Variants in IGBP1 observed in about 807,000 individuals in gnomAD.
The protein encoded by IGBP1 is immunoglobulin-binding protein 1.
Under a neutral mutation model 25.9 loss-of-function variants are expected in IGBP1, and 2 were observed. The observed-to-expected ratio is 0.08, with a 90% CI of 0.03 to 0.24. The LOEUF is 0.24. IGBP1 is among the 10% of genes least tolerant of loss of function. The pLI is 1.00. For missense variants in IGBP1, 187 were observed against 260.4 expected (o/e 0.72, Z 1.94); for synonymous variants, 96 against 93.4 (o/e 1.03, Z -0.16).
intron 6 of IGBP1, among the ~76,000 whole-genome samples, chrX:70,152,349 C>T (rs754660065): frequency 6.8e-4 from 76 of 111,917 alleles, no homozygotes; most frequent in Non-Finnish European, 1.3e-3. Flanking sequence ...TGGTTTTAGA[C>T]GAGTTAATTG....
chrX:70,138,480 CAAAAAAAAA>C (rs35566042), intron 3 of IGBP1, among the ~76,000 whole-genome samples: 1 of 54,496 alleles, frequency 1.8e-5, no homozygotes, highest in African/African-American at 7.6e-5. Flanking sequence ...GACCCTGTCT[CAAAAAAAAA>C]AAAAAAAAAA....
chrX:70,162,856 G>A (rs2085277901), intron 6 of IGBP1, among the ~76,000 whole-genome samples: 1 of 104,019 alleles, frequency 9.6e-6, no homozygotes, highest in Admixed American at 1.0e-4. Context: ...TGCCTGTAAT[G>A]CCAGCCACTC....
chrX:70,151,437 A>G (rs981069373), intron 6 of IGBP1, among the ~76,000 whole-genome samples: 7 of 111,241 alleles, frequency 6.3e-5, no homozygotes, highest in African/African-American at 2.3e-4. Context: ...CAGCCTCCCA[A>G]AGCATTGGGA....
At position 70,148,826 on chromosome X, in the gene IGBP1, C is replaced by T. The variant is rs1442744382; in HGVS notation, c.744C>T (p.Asn248=). Residue 248 remains asparagine (N), a synonymous_variant, in exon 5 of 7, where the codon AAC becomes AAT. Coordinates refer to ENST00000356413, the MANE Select transcript of IGBP1 (RefSeq NM_001551.3). Reference sequence around the variant, plus strand: ...TGAAACCCTTCATTCTCACTCGGAACATGGCTCAAGCCAAGTAGGTAGTAC... The same window carrying T: ...TGAAACCCTTCATTCTCACTCGGAATATGGCTCAAGCCAAGTAGGTAGTAC... ...PPVKPFILTR[N]MAQAKVFGAG... The T allele has an allele frequency of 1.7e-6, 2 of 1,196,660 alleles. No individual in the cohort carries two copies. Among genetic ancestry groups the T allele is most frequent in the Admixed American group, 4.4e-5 (2 of 45,906 alleles).
chrX:70,155,872 AG>A (rs201284828), intron 6 of IGBP1, among the ~76,000 whole-genome samples: 1,417 of 112,093 alleles, frequency 0.013, 8 homozygotes, highest in Non-Finnish European at 0.021. Flanking sequence ...GCAATTTATC[AG>A]GGAGACATAG....
Position 70,133,827 on chromosome X carries a change from A to G in IGBP1, c.-121A>G. On this transcript the variant is annotated 5_prime_UTR_variant, in exon 2 of 7. Transcript: ENST00000356413. ...GGAAGTCCTTTGATGCTTTGTTAAC[A>G]GTGAAGCTACTGGACCAATGAGGTG... is the stretch of plus-strand genomic sequence containing the variant. 1 of 603,476 alleles carries G rather than the reference A, an allele frequency of 1.7e-6. No homozygotes were observed. Among genetic ancestry groups the G allele is most frequent in the Non-Finnish European group, 2.7e-6 (1 of 374,363 alleles). 49.7% of individuals were successfully genotyped at this position (603,476 alleles called of 1,213,427 possible). A position where few individuals can be genotyped will look rare whatever the true frequency, so the allele number is the denominator to read the frequency against.
rs59363387 is a variant in IGBP1 at position 70,149,653 on chromosome X, CAAA to C, written c.759-542_759-540del. Reference sequence around the variant, plus strand: ...TGGTCGACAGAGCAAGACTCCATCTCAAAAAAAAAAAAAAAAAGCACACATGTA... The same window carrying C: ...TGGTCGACAGAGCAAGACTCCATCTCAAAAAAAAAAAAAAGCACACATGTA... On this transcript the variant is annotated intron_variant, in intron 5 of 6. Transcript: ENST00000356413. The C allele has an allele frequency of 7.6e-3, 494 of 65,218 alleles. 1 individual carries two copies. The highest frequency in any genetic ancestry group is 0.016 in the African/African-American group (262 of 16,464). 5.4% of individuals were successfully genotyped at this position (65,218 alleles called of 1,213,427 possible).
chrX:70,144,290 A>G (rs2085151213), intron 3 of IGBP1, among the ~76,000 whole-genome samples: 2 of 112,360 alleles, frequency 1.8e-5, no homozygotes, highest in Non-Finnish European at 3.8e-5. Context: ...AAGCATGCAG[A>G]GAATGGGAAA....
intron 3 of IGBP1, among the ~76,000 whole-genome samples, chrX:70,136,576 C>T (rs1013105423): frequency 9.0e-6 from 1 of 111,232 alleles, no homozygotes; most frequent in African/African-American, 3.3e-5. Context: ...TCACATAAAA[C>T]AGCACAATAT....
chrX:70,155,186 C>T (rs760895470), intron 6 of IGBP1, among the ~76,000 whole-genome samples: 1 of 111,978 alleles, frequency 8.9e-6, no homozygotes, highest in Non-Finnish European at 1.9e-5. Flanking sequence ...AATACAAAGA[C>T]ACAGATTGGT....
At chrX:70,151,709 C>T (rs1031948991) in intron 6 of IGBP1, among the ~76,000 whole-genome samples, 5 of 110,598 alleles carry the variant, frequency 4.5e-5, no homozygotes, top group Admixed American at 1.9e-4. Flanking sequence ...GAAACCCCGT[C>T]GCTACCAAAA....
chrX:70,150,915 C>T (rs911417416), intron 6 of IGBP1, among the ~76,000 whole-genome samples: 5 of 110,597 alleles, frequency 4.5e-5, no homozygotes, highest in Non-Finnish European at 7.6e-5. Context: ...AGGGTATAAC[C>T]GAAAAAGTAT....
chrX:70,133,583 T>A, intron 1 of IGBP1, 43 bp downstream of exon 1: 1 of 395,963 alleles, frequency 2.5e-6, no homozygotes, highest in Non-Finnish European at 4.3e-6. Flanking sequence ...CACTCGCTCG[T>A]CCGCACTCCT....
At chrX:70,159,979 C>T (rs146668197) in intron 6 of IGBP1, among the ~76,000 whole-genome samples, 276 of 111,530 alleles carry the variant, frequency 2.5e-3, no homozygotes, top group African/African-American at 8.8e-3. Flanking sequence ...GGTCCAGATC[C>T]AGGGAGGTGG....
intron 6 of IGBP1, among the ~76,000 whole-genome samples, chrX:70,161,277 A>G (rs1183810615): frequency 8.9e-6 from 1 of 112,293 alleles, no homozygotes; most frequent in Non-Finnish European, 1.9e-5. Flanking sequence ...AGGAGCTTTC[A>G]AAGACTACTG....
At chrX:70,148,104 T>G (rs188634691) in intron 4 of IGBP1, among the ~76,000 whole-genome samples, 1 of 111,986 alleles carries the variant, frequency 8.9e-6, no homozygotes, top group East Asian at 2.8e-4. Flanking sequence ...AATCGTTGTG[T>G]TGTTGTTGTT....
chrX:70,144,629 T>G (rs1293972636), intron 3 of IGBP1, among the ~76,000 whole-genome samples: 2 of 104,776 alleles, frequency 1.9e-5, no homozygotes, highest in African/African-American at 6.9e-5. Context: ...ATAATAGCCT[T>G]TTCAGAACAG....
rs1425331470 is a variant in IGBP1, at chrX:70,146,838, G to A, written c.678+10G>A. On this transcript the variant is annotated intron_variant, in intron 4 of 6. Transcript: ENST00000356413. ...AGACTCTTCAAGAGAGGTAAGCCTG[G>A]CCAGAGAAATCTACTGCCAGAGATT... 1.7e-6 allele frequency: 2 copies of A among 1,148,990 alleles called. No homozygotes were observed. The highest frequency in any genetic ancestry group is 3.0e-5 in the East Asian group (1 of 33,342). The allele number at this position is 1,148,990 out of a possible 1,213,427, so 94.7% of individuals were successfully genotyped here. A position where few individuals can be genotyped will look rare whatever the true frequency, so the allele number is the denominator to read the frequency against.
intron 3 of IGBP1, among the ~76,000 whole-genome samples, chrX:70,135,084 C>T (rs1041055095): frequency 2.7e-5 from 3 of 112,193 alleles, no homozygotes; most frequent in Non-Finnish European, 3.8e-5. Context: ...CAACCTTTTC[C>T]ACATCACATC....
Sources: gnomAD v4.1 joint callset for allele counts (sites outside exome capture counted in the v4.1 genomes callset) on GRCh38, gnomAD v4.1.1 for gene constraint, MANE v1.5 for transcripts, NCBI Gene and HGNC (gene_info 2026-07-23, HGNC 2026-07-21) for gene names.